Variants in ZNF146 observed in about 807,000 individuals in gnomAD.
ZNF146 encodes the protein zinc finger protein 146.
In ZNF146, 9 loss-of-function variants were observed where a neutral mutation model predicts 22.2. The observed-to-expected ratio is 0.41, with a 90% CI of 0.24 to 0.71. The LOEUF (loss-of-function observed/expected upper bound fraction) is 0.71. ZNF146 is among the 30% of genes least tolerant of loss of function. ZNF146 has a pLI of 0.34. For synonymous variants in ZNF146, 108 were observed against 119.2 expected (o/e 0.91, Z 0.61); for missense variants, 194 against 344.8 (o/e 0.56, Z 3.46).
upstream of ZNF146, chr19:36,214,960 A>G (rs73931511): frequency 1.3e-5 from 2 of 152,794 alleles, no homozygotes; most frequent in Admixed American, 6.5e-5. Context: ...AGAGTCGACC[A>G]GTAAAGCCTC....
intron 2 of ZNF146, among the ~76,000 whole-genome samples, chr19:36,222,571 A>G (rs1205637851): frequency 6.6e-6 from 1 of 151,826 alleles, no homozygotes; most frequent in Non-Finnish European, 1.5e-5. Flanking sequence ...CGCTAGGGAC[A>G]TAAGAGACAA....
intron 2 of ZNF146, among the ~76,000 whole-genome samples, chr19:36,223,642 C>T (rs1976952780): frequency 6.6e-6 from 1 of 150,824 alleles, no homozygotes; most frequent in Non-Finnish European, 1.5e-5. Flanking sequence ...GGATTACAGG[C>T]GTGAGCCACC....
Position 36,236,406 on chromosome 19 carries a change from A to AATGT in ZNF146, c.-35_-34insATGT. ...ACTCATCAAGAAATTTTTACTGGAG[A>AATGT]GAAACCTTGTGAATGTGGGAAAGCT... is the stretch of plus-strand genomic sequence containing the variant. On this transcript the variant is annotated 5_prime_UTR_variant, in exon 4 of 4. It adds an upstream start codon to the 5' untranslated region. Transcript: ENST00000443387. The AATGT allele has an allele frequency of 1.3e-6, 2 of 1,556,084 alleles. No homozygotes were observed. The highest frequency in any genetic ancestry group is 1.7e-6 in the Non-Finnish European group (2 of 1,155,942).
chr19:36,216,388 C>G (rs547633097), intron 1 of ZNF146, among the ~76,000 whole-genome samples: 114 of 152,154 alleles, frequency 7.5e-4, no homozygotes, highest in African/African-American at 2.2e-3. Context: ...TGCCTGTAAT[C>G]CTAGCACTTT....
At chr19:36,232,292 A>T (rs990116622) in intron 3 of ZNF146, among the ~76,000 whole-genome samples, 5 of 151,968 alleles carry the variant, frequency 3.3e-5, no homozygotes, top group Admixed American at 1.3e-4. Context: ...TTGATTATGA[A>T]ATATTCTACT....
Position 36,227,067 on chromosome 19 carries a change from G to C in ZNF146, c.-854-1681G>C, listed in dbSNP as rs143269184. ...CACTGCGCTCCAGCCTGGGCAACAA[G>C]AGTAAAACTCCATCTCAAAAAAAAA... On this transcript the variant is annotated intron_variant, in intron 2 of 3. Transcript: ENST00000443387. Among the ~76,000 whole-genome samples, 142 of 142,180 alleles carry C rather than the reference G, an allele frequency of 1.0e-3. 3 individuals are homozygous for C. The East Asian group carries it at 0.028, about 28-fold the overall frequency. The allele number at this position is 142,180 out of a possible 152,430, so 93.3% of individuals were successfully genotyped here.
At chr19:36,223,814 A>G (rs1976963154) in intron 2 of ZNF146, among the ~76,000 whole-genome samples, 1 of 151,856 alleles carries the variant, frequency 6.6e-6, no homozygotes, top group South Asian at 2.1e-4. Flanking sequence ...TGGCGTGATC[A>G]CAGCTGACTG....
At chr19:36,234,801 T>C (rs573977253) in intron 3 of ZNF146, among the ~76,000 whole-genome samples, 1 of 152,292 alleles carries the variant, frequency 6.6e-6, no homozygotes, top group East Asian at 1.9e-4. Context: ...TGTCATCTCA[T>C]TTGCTGAATG....
At chr19:36,230,239 A>G (rs1977268620) in intron 3 of ZNF146, among the ~76,000 whole-genome samples, 1 of 152,230 alleles carries the variant, frequency 6.6e-6, no homozygotes. Flanking sequence ...AAACCCATTT[A>G]CGTTTCTACC....
intron 3 of ZNF146, among the ~76,000 whole-genome samples, chr19:36,229,045 G>A (rs182271257): frequency 1.3e-5 from 2 of 152,308 alleles, no homozygotes; most frequent in Non-Finnish European, 2.9e-5. Context: ...CTGTTCTGAT[G>A]TCAGCCTTCC....
intron 3 of ZNF146, among the ~76,000 whole-genome samples, chr19:36,231,931 G>A (rs565702308): frequency 2.0e-5 from 3 of 150,716 alleles, no homozygotes; most frequent in Non-Finnish European, 4.4e-5. Context: ...GGCCAGACTC[G>A]GTGGTTCACC....
intron 2 of ZNF146, among the ~76,000 whole-genome samples, chr19:36,221,882 C>A (rs1976855789): frequency 6.8e-6 from 1 of 147,190 alleles, no homozygotes; most frequent in South Asian, 2.2e-4. Context: ...ATCTCACTTT[C>A]TTTAATAACA....
chr19:36,226,013 G>A (rs1383243866), intron 2 of ZNF146, among the ~76,000 whole-genome samples: 2 of 151,688 alleles, frequency 1.3e-5, no homozygotes, highest in Non-Finnish European at 2.9e-5. Context: ...AAGTGATCCT[G>A]CCCACCTCAG....
chr19:36,220,636 G>A, intron 2 of ZNF146, among the ~76,000 whole-genome samples: 1 of 152,126 alleles, frequency 6.6e-6, no homozygotes, highest in East Asian at 1.9e-4. Flanking sequence ...AAAGCGCTGG[G>A]ATTACAGGCG....
chr19:36,225,096 G>T (rs1284824238), intron 2 of ZNF146, among the ~76,000 whole-genome samples: 1 of 152,052 alleles, frequency 6.6e-6, no homozygotes, highest in East Asian at 1.9e-4. Context: ...TTGCTTTTCA[G>T]TGTTTTTACA....
chr19:36,228,020 TGTG>T (rs2145429932), intron 2 of ZNF146, among the ~76,000 whole-genome samples: 1 of 152,016 alleles, frequency 6.6e-6, no homozygotes, highest in African/African-American at 2.4e-5. Context: ...ATTAGCCAGG[TGTG>T]GTGGTACACA....
At chr19:36,229,027 T>C (rs979750356) in intron 3 of ZNF146, among the ~76,000 whole-genome samples, 1 of 152,230 alleles carries the variant, frequency 6.6e-6, no homozygotes, top group Admixed American at 6.5e-5. Context: ...CAGGCGCCCC[T>C]CCTGTTGCTG....
intron 2 of ZNF146, among the ~76,000 whole-genome samples, chr19:36,220,107 T>A (rs1287685174): frequency 6.6e-6 from 1 of 152,154 alleles, no homozygotes; most frequent in East Asian, 1.9e-4. Context: ...TGTATCTTCC[T>A]CCCAGACTTG....
chr19:36,233,851 C>G (rs944688017), intron 3 of ZNF146, among the ~76,000 whole-genome samples: 1 of 152,168 alleles, frequency 6.6e-6, no homozygotes, highest in Non-Finnish European at 1.5e-5. Context: ...AGATGCCTTC[C>G]TCTTATCTCA....
Sources: allele counts gnomAD v4.1 joint callset (sites outside exome capture counted in the v4.1 genomes callset), GRCh38; gene constraint gnomAD v4.1.1; transcripts MANE v1.5; gene names NCBI Gene and HGNC (gene_info 2026-07-23, HGNC 2026-07-21).